TUBB4A: variants seen among roughly 807,000 people sequenced by gnomAD.
The protein encoded by TUBB4A is tubulin beta 4A class IVa, also known as tubulin beta-4A chain.
A neutral mutation model predicts 35.1 loss-of-function variants in TUBB4A; 13 were observed. The ratio of observed to expected loss-of-function variants is 0.37; its 90% CI spans 0.24 to 0.59. TUBB4A has a LOEUF of 0.59. Among genes scored for constraint, TUBB4A ranks in the 20% least tolerant of loss-of-function variants. The pLI is 0.71. For synonymous variants in TUBB4A, 279 were observed against 272.4 expected (o/e 1.02, Z -0.24); for missense variants, 299 against 647.2 (o/e 0.46, Z 5.84).
intron 3 of TUBB4A, chr19:6,500,819 C>T (rs1914494747): frequency 6.5e-6 from 1 of 154,018 alleles, no homozygotes; most frequent in Non-Finnish European, 1.4e-5. Context: ...CCATCTGAAT[C>T]AACCCCTGGC....
At position 6,501,898 on chromosome 19, in the gene TUBB4A, G is replaced by C; in HGVS notation, c.57+258C>G. ...ACCGGGGCTCTTTGTGCGTGAGGAG[G>C]GGACAGTGGCCCAGCTGTGGGCCCA... is the stretch of plus-strand genomic sequence containing the variant. On this transcript the variant is annotated intron_variant, in intron 1 of 3. Coordinates refer to ENST00000264071, the MANE Select transcript of TUBB4A (RefSeq NM_006087.4). The surrounding 1 kb of genome is among the most constrained non-coding windows in gnomAD (Gnocchi z 4.2). The C allele has an allele frequency of 1.7e-6, 1 of 586,158 alleles. No homozygotes were observed. Among genetic ancestry groups the C allele is most frequent in the Non-Finnish European group, 3.0e-6 (1 of 332,848 alleles). 36.3% of individuals were successfully genotyped at this position (586,158 alleles called of 1,614,324 possible). A position where few individuals can be genotyped will look rare whatever the true frequency, so the allele number is the denominator to read the frequency against.
chr19:6,497,061 A>ATG (rs1568410611), intron 3 of TUBB4A, among the ~76,000 whole-genome samples: 6 of 100,186 alleles, frequency 6.0e-5, no homozygotes, highest in Non-Finnish European at 5.8e-5. Context: ...ATATATATAT[A>ATG]TATAAATTAG....
chr19:6,501,922 C>T lies in TUBB4A; in HGVS notation c.57+234G>A, dbSNP rs1914552778. ...GGGGACAGTGGCCCAGCTGTGGGCC[C>T]AGCTGTGACAGGCGGACAGAAGGCT... On this transcript the variant is annotated intron_variant, in intron 1 of 3. Transcript: ENST00000264071. This position sits in a 1 kb window ranked among gnomAD's most constrained non-coding sequence, Gnocchi z 4.2. 1.7e-6 allele frequency: 1 copy of T among 586,776 alleles called. No individual in the cohort carries two copies. The highest frequency in any genetic ancestry group is 3.0e-6 in the Non-Finnish European group (1 of 335,580). The allele number at this position is 586,776 out of a possible 1,614,324, so 36.3% of individuals were successfully genotyped here.
intron 3 of TUBB4A, among the ~76,000 whole-genome samples, chr19:6,496,857 C>T (rs1350452262): frequency 1.4e-5 from 2 of 146,174 alleles, no homozygotes; most frequent in East Asian, 4.0e-4. Context: ...CCCCCGCCCC[C>T]TGCCTAAAAA....
At chr19:6,498,938 G>A (rs1169301572) in intron 3 of TUBB4A, among the ~76,000 whole-genome samples, 1 of 152,188 alleles carries the variant, frequency 6.6e-6, no homozygotes, top group Admixed American at 6.6e-5. Flanking sequence ...TTGGCCAAAT[G>A]GTGTGAGTGA....
chr19:6,497,059 AT>A lies in TUBB4A; in HGVS notation c.278-839del, dbSNP rs1568410598. On this transcript the variant is annotated intron_variant, in intron 3 of 3. Coordinates refer to ENST00000264071, the MANE Select transcript of TUBB4A (RefSeq NM_006087.4). ...TATATATATATATATATATATATAT[AT>A]ATATAAATTAGCCAGTCATGGTGGT... Among the ~76,000 whole-genome samples, 11 of 97,738 alleles carry A rather than the reference AT, an allele frequency of 1.1e-4. 1 individual carries two copies. The South Asian group carries it at 1.2e-3, about 11-fold the overall frequency. The allele number at this position is 97,738 out of a possible 152,430, so 64.1% of individuals were successfully genotyped here.
At chr19:6,497,156 G>A (rs1447410056) in intron 3 of TUBB4A, among the ~76,000 whole-genome samples, 1 of 146,738 alleles carries the variant, frequency 6.8e-6, no homozygotes, top group Non-Finnish European at 1.5e-5. Flanking sequence ...GTTGGAGGCT[G>A]CAGTGAGCTA....
Position 6,501,247 on chromosome 19 carries a change from G to A in TUBB4A, c.277+40C>T, listed in dbSNP as rs1441323618. ...GACTCTGTGGTGTTAGCAGGAATAA[G>A]GAGGTTTTCCAGCCTCTGGCTCCCT... On this transcript the variant is annotated intron_variant, in intron 3 of 3. Coordinates refer to ENST00000264071, the MANE Select transcript of TUBB4A (RefSeq NM_006087.4). This position sits in a 1 kb window ranked among gnomAD's most constrained non-coding sequence, Gnocchi z 4.2. The A allele has an allele frequency of 4.5e-5, 69 of 1,550,146 alleles. No individual in the cohort carries two copies. Among genetic ancestry groups the A allele is most frequent in the Non-Finnish European group, 5.9e-5 (67 of 1,128,270 alleles).
Position 6,498,128 on chromosome 19 carries a change from G to T in TUBB4A, c.278-1907C>A, listed in dbSNP as rs571111820. ...CGGGAGGCTGAGGCAGGAGAATGGC[G>T]TGAACCCAGGAGGTGGAGCTTGCAG... On this transcript the variant is annotated intron_variant, in intron 3 of 3. Coordinates refer to ENST00000264071, the MANE Select transcript of TUBB4A (RefSeq NM_006087.4). Among the ~76,000 whole-genome samples, 3 of 145,146 alleles carry T rather than the reference G, an allele frequency of 2.1e-5. No homozygotes were observed. In the South Asian group the frequency reaches 6.6e-4, roughly 32 times the overall value.
Position 6,501,402 on chromosome 19 carries a change from A to C in TUBB4A, c.167-5T>G. On this transcript the variant is annotated splice_polypyrimidine_tract_variant and splice_region_variant and intron_variant, in intron 2 of 3. Coordinates refer to ENST00000264071, the MANE Select transcript of TUBB4A (RefSeq NM_006087.4). The surrounding 1 kb of genome is among the most constrained non-coding windows in gnomAD (Gnocchi z 4.2). ...CTCTGGGGACATAATTTCCTCCTGC[A>C]GGGAAACAGATGGAGGGCAGTTCGA... The C allele has an allele frequency of 6.2e-7, 1 of 1,612,658 alleles. No individual in the cohort carries two copies. Among genetic ancestry groups the C allele is most frequent in the Non-Finnish European group, 8.5e-7 (1 of 1,179,014 alleles).
chr19:6,499,898 T>C (rs1914450511), intron 3 of TUBB4A, among the ~76,000 whole-genome samples: 1 of 152,098 alleles, frequency 6.6e-6, no homozygotes, highest in Admixed American at 6.6e-5. Context: ...TTCAAGCAAT[T>C]CTCTTGCCTC....
At position 6,495,887 on chromosome 19, in the gene TUBB4A, G is replaced by A. The variant is rs770998209; in HGVS notation, c.612C>T (p.Asn204=). ...ENTDETYCID[N]EALYDICFRT... is the part of the protein sequence containing the mutation. ...GGAAACAGATGTCGTAGAGTGCCTC[G>A]TTGTCGATGCAGTAGGTCTCATCCG... Residue 204 remains asparagine, a synonymous_variant, in exon 4 of 4, where the codon AAC becomes AAT. Coordinates refer to ENST00000264071, the MANE Select transcript of TUBB4A (RefSeq NM_006087.4). This position sits in a 1 kb window ranked among gnomAD's most constrained non-coding sequence, Gnocchi z 8.7. 1.9e-5 allele frequency: 30 copies of A among 1,614,104 alleles called. No homozygotes were observed. The highest frequency in any genetic ancestry group is 2.7e-5 in the African/African-American group (2 of 74,924).
chr19:6,500,302 T>A (rs947199652), intron 3 of TUBB4A, among the ~76,000 whole-genome samples: 17 of 150,570 alleles, frequency 1.1e-4, no homozygotes, highest in Non-Finnish European at 2.2e-4. Flanking sequence ...CTAATTAAAA[T>A]TTTTTTCTTT....
chr19:6,501,139 C>T lies in TUBB4A; in HGVS notation c.277+148G>A, dbSNP rs567225679. The stretch of plus-strand genomic sequence containing the variant: ...GCTCTCACAGTGGCCTGAGCATCCC[C>T]TCATCACAGCCCTGGATGCAGGGCT... On this transcript the variant is annotated intron_variant, in intron 3 of 3. Transcript: ENST00000264071. The surrounding 1 kb of genome is among the most constrained non-coding windows in gnomAD (Gnocchi z 4.2). The T allele has an allele frequency of 4.6e-4, 291 of 629,346 alleles. 1 individual carries two copies. The East Asian group carries it at 8.0e-3, about 17-fold the overall frequency. The allele number at this position is 629,346 out of a possible 1,614,324, so 39.0% of individuals were successfully genotyped here.
Position 6,495,765 on chromosome 19 carries a change from T to G in TUBB4A, c.734A>C (p.Gln245Pro). ...GVTTCLRFPGQLNADLRKLAV... is the reference protein window; with the variant it reads ...GVTTCLRFPGPLNADLRKLAV... ...CAGCTTGCGCAGGTCGGCGTTCAGC[T>G]GGCCCGGGAAGCGCAGGCAGGTGGT... is the stretch of plus-strand genomic sequence containing the variant. The change falls in exon 4 of 4, where the codon CAG becomes CCG. Residue 245 changes from glutamine to proline, a missense_variant. Physicochemically the swap from Gln to Pro is moderately conservative, Grantham distance 76 (BLOSUM62 -1). This residue lies in a region of TUBB4A where 51 missense variants were observed against 100.3 expected (regional missense o/e 0.51). Transcript: ENST00000264071. The surrounding 1 kb of genome is among the most constrained non-coding windows in gnomAD (Gnocchi z 8.7). 1 of 1,614,204 alleles carries G rather than the reference T, an allele frequency of 6.2e-7. No homozygotes were observed. The highest frequency in any genetic ancestry group is 8.5e-7 in the Non-Finnish European group (1 of 1,180,034).
In TUBB4A at chr19:6,496,189, C is replaced by G. The variant is rs1211097452; in HGVS notation, c.310G>C (p.Gly104Arg). The change falls in exon 4 of 4, where the codon GGG (glycine) becomes CGG (arginine). Residue 104 changes from glycine to arginine, a missense_variant. By Grantham distance (125) the Gly-to-Arg change is moderately radical. This residue lies in a region of TUBB4A where 123 missense variants were observed against 226.0 expected (regional missense o/e 0.54). Coordinates refer to ENST00000264071, the MANE Select transcript of TUBB4A (RefSeq NM_006087.4). ...AGCTCTGCGCCCTCCGTGTAGTGCC[C>G]CTTTGCCCAGTTGTTGCCGGCTCCG... ...QSGAGNNWAK[G>R]HYTEGAELVD... 1 of 1,613,302 alleles carries G rather than the reference C, an allele frequency of 6.2e-7. No individual in the cohort carries two copies. Among genetic ancestry groups the G allele is most frequent in the South Asian group, 1.1e-5 (1 of 91,028 alleles).
chr19:6,495,617 G>A lies in TUBB4A; in HGVS notation c.882C>T (p.Phe294=), dbSNP rs755875935. ...LTVPELTQQM[F]DAKNMMAACD... is the part of the protein sequence containing the mutation. ...ACGCCGCCATCATGTTCTTGGCATC[G>A]AACATCTGCTGGGTGAGCTCGGGCA... Residue 294 remains phenylalanine, a synonymous_variant, in exon 4 of 4, where the codon TTC becomes TTT. Coordinates refer to ENST00000264071, the MANE Select transcript of TUBB4A (RefSeq NM_006087.4). The surrounding 1 kb of genome is among the most constrained non-coding windows in gnomAD (Gnocchi z 8.7). 1.4e-5 allele frequency: 22 copies of A among 1,613,920 alleles called. No individual in the cohort carries two copies. The highest frequency in any genetic ancestry group is 3.3e-5 in the South Asian group (3 of 91,088).
rs757740469 is a variant in TUBB4A, at chr19:6,502,224, T to C, written c.-12A>G. 2.0e-5 allele frequency: 31 copies of C among 1,538,398 alleles called. No individual in the cohort carries two copies. The South Asian group carries it at 2.9e-4, about 14-fold the overall frequency. ...ACGATCTCCCGCATGGCGGTGGCGC[T>C]GAGGGTGGACGCGGCGGCGGTGGCA... On this transcript the variant is annotated 5_prime_UTR_variant, in exon 1 of 4. Coordinates refer to ENST00000264071, the MANE Select transcript of TUBB4A (RefSeq NM_006087.4).
upstream of TUBB4A, chr19:6,502,369 A>C: frequency 1.3e-6 from 1 of 786,594 alleles, no homozygotes; most frequent in Non-Finnish European, 1.8e-6. Flanking sequence ...ACGGCCGGTC[A>C]CCCTCCCGCT....
Sources: allele counts gnomAD v4.1 joint callset (sites outside exome capture counted in the v4.1 genomes callset), GRCh38; gene constraint gnomAD v4.1.1; regional missense constraint gnomAD v4.1.1; non-coding constraint Gnocchi (gnomAD v3.1); transcripts MANE v1.5; gene names NCBI Gene and HGNC (gene_info 2026-07-23, HGNC 2026-07-21).